The following DCUN1D5 variants were observed in gnomAD, a reference collection of about 807,000 sequenced individuals.
The protein encoded by DCUN1D5 is DCN1-like protein 5.
Under a neutral mutation model 38.3 loss-of-function variants are expected in DCUN1D5, and 10 were observed. That is an observed-to-expected ratio of 0.26 (90% CI 0.16 to 0.44). The LOEUF (loss-of-function observed/expected upper bound fraction) is 0.44. Among genes scored for constraint, DCUN1D5 ranks in the 20% least tolerant of loss-of-function variants. The pLI, the probability that DCUN1D5 is intolerant of heterozygous loss-of-function variation, is 1.00. For synonymous variants in DCUN1D5, 93 were observed against 90.9 expected, an observed-to-expected ratio of 1.02 and a Z score of -0.13; for missense variants, 148 against 275.3, an observed-to-expected ratio of 0.54 and a Z score of 3.27.
intron 4 of DCUN1D5, among the ~76,000 whole-genome samples, chr11:103,081,564 G>A (rs115622423): frequency 0.016 from 2,359 of 152,186 alleles, 57 homozygotes; most frequent in African/African-American, 0.053. Context: ...TAGAAAGTAG[G>A]AATACAGTAT....
At chr11:103,070,840 G>A (rs1309804065) in intron 4 of DCUN1D5, among the ~76,000 whole-genome samples, 1 of 151,906 alleles carries the variant, frequency 6.6e-6, no homozygotes, top group Non-Finnish European at 1.5e-5. Context: ...CCTTAACAGA[G>A]TAAAAATAAC....
In DCUN1D5 at chr11:103,066,291, G is replaced by T; in HGVS notation, c.533C>A (p.Ser178Ter). The T allele has an allele frequency of 6.2e-7, 1 of 1,604,164 alleles. No homozygotes were observed. The highest frequency in any genetic ancestry group is 8.5e-7 in the Non-Finnish European group (1 of 1,176,132). Residue 178 changes from serine (S) to a stop codon, truncating the protein, a stop_gained, in exon 6 of 8, where the codon TCA (serine) becomes TAA (stop). Coordinates refer to ENST00000260247, the MANE Select transcript of DCUN1D5 (RefSeq NM_032299.4). LOFTEE classifies it high-confidence loss of function. The surrounding 1 kb of genome is among the most constrained non-coding windows in gnomAD (Gnocchi z 4.7). ...TACCTCCAGGTACTGGTAAAATACT[G>T]AAAACAGTGGCCATGTCCTCCCAAG... ...LLLGRTWPLF[S>*]VFYQYLEQSK...
Position 103,057,145 on chromosome 11 carries a change from GTAAC to G in DCUN1D5, c.*5210_*5213del, listed in dbSNP as rs1477931602. ...AAGATTTCTACATTTGTAGATAAAA[GTAAC>G]TGTGTATGAACTTGCTCTAAGCCAT... is the stretch of plus-strand genomic sequence containing the variant. On this transcript the variant is annotated 3_prime_UTR_variant, in exon 8 of 8. Transcript: ENST00000260247. The surrounding 1 kb of genome is among the most constrained non-coding windows in gnomAD (Gnocchi z 4.8). Among the ~76,000 whole-genome samples the G allele has an allele frequency of 3.9e-5, 6 of 152,194 alleles. No individual in the cohort carries two copies. The highest frequency in any genetic ancestry group is 1.4e-4 in the African/African-American group (6 of 41,456).
chr11:103,075,619 A>T lies in DCUN1D5; in HGVS notation c.341+7129T>A, dbSNP rs893491717. ...CTAGTCTCAAACTCTTGACCTCATG[A>T]TCTGCCCGCCTCAAACCCCAAAGTG... On this transcript the variant is annotated intron_variant, in intron 4 of 7. Transcript: ENST00000260247. 1.4e-4 allele frequency among the ~76,000 whole-genome samples: 22 copies of T among 152,254 alleles called. No individual in the cohort carries two copies. In the East Asian group the frequency reaches 4.1e-3, roughly 28 times the overall value.
chr11:103,092,085 C>T lies in DCUN1D5; in HGVS notation c.-213G>A. The T allele has an allele frequency of 1.8e-6, 1 of 550,592 alleles. No homozygotes were observed. The highest frequency in any genetic ancestry group is 3.2e-6 in the Non-Finnish European group (1 of 311,634). 34.1% of individuals were successfully genotyped at this position (550,592 alleles called of 1,614,324 possible). ...GACCGGGACAGGGCTGGCTCCTCGC[C>T]GGTGGACACTGCGGTTCGTTCTCAC... On this transcript the variant is annotated 5_prime_UTR_variant, in exon 1 of 8. Coordinates refer to ENST00000260247, the MANE Select transcript of DCUN1D5 (RefSeq NM_032299.4).
chr11:103,087,786 A>T lies in DCUN1D5; in HGVS notation c.178+1441T>A, dbSNP rs1862752391. On this transcript the variant is annotated intron_variant, in intron 2 of 7. Coordinates refer to ENST00000260247, the MANE Select transcript of DCUN1D5 (RefSeq NM_032299.4). This position sits in a 1 kb window ranked among gnomAD's most constrained non-coding sequence, Gnocchi z 4.1. Reference sequence around the variant, plus strand: ...TGGCTATTAAAAATGCTAATATAGTAAACAAATGTTTAATTAGAATCTTAC... The same window carrying T: ...TGGCTATTAAAAATGCTAATATAGTTAACAAATGTTTAATTAGAATCTTAC... Among the ~76,000 whole-genome samples the T allele has an allele frequency of 6.6e-6, 1 of 152,234 alleles. No individual in the cohort carries two copies.
chr11:103,064,606 T>G lies in DCUN1D5; in HGVS notation c.556-229A>C, dbSNP rs1225831620. ...GAGGAATAATAAGAGCACTGAGTACTAACAGTAAGGATAAAACTAACTTTT... is the reference window on the plus strand; with the variant it reads ...GAGGAATAATAAGAGCACTGAGTACGAACAGTAAGGATAAAACTAACTTTT... On this transcript the variant is annotated intron_variant, in intron 6 of 7. Coordinates refer to ENST00000260247, the MANE Select transcript of DCUN1D5 (RefSeq NM_032299.4). The surrounding 1 kb of genome is among the most constrained non-coding windows in gnomAD (Gnocchi z 4.5). Among the ~76,000 whole-genome samples the G allele has an allele frequency of 6.6e-6, 1 of 152,294 alleles. No homozygotes were observed. Among genetic ancestry groups the G allele is most frequent in the East Asian group, 1.9e-4 (1 of 5,184 alleles).
At chr11:103,079,753 A>C (rs1419569601) in intron 4 of DCUN1D5, among the ~76,000 whole-genome samples, 1 of 151,456 alleles carries the variant, frequency 6.6e-6, no homozygotes, top group Non-Finnish European at 1.5e-5. Flanking sequence ...ACTGCTCTCC[A>C]GTCTGGGTAA....
At position 103,059,822 on chromosome 11, in the gene DCUN1D5, A is replaced by G. The variant is rs895401458; in HGVS notation, c.*2537T>C. ...TTTCTCCCAGTAGTATTACATTTGTATAATATTCTTATAGAAACAACTCAA... is the reference window on the plus strand; with the variant it reads ...TTTCTCCCAGTAGTATTACATTTGTGTAATATTCTTATAGAAACAACTCAA... On this transcript the variant is annotated 3_prime_UTR_variant, in exon 8 of 8. Transcript: ENST00000260247. Among the ~76,000 whole-genome samples, 1 of 152,124 alleles carries G rather than the reference A, an allele frequency of 6.6e-6. No homozygotes were observed. Among genetic ancestry groups the G allele is most frequent in the Non-Finnish European group, 1.5e-5 (1 of 68,026 alleles).
rs1160117238 is a variant in DCUN1D5, at chr11:103,061,506, C to A, written c.*853G>T. On this transcript the variant is annotated 3_prime_UTR_variant, in exon 8 of 8. Transcript: ENST00000260247. ...TTGAGTTGTGCACAATTAATTATAC[C>A]CAGAGTTCTCTCATGATTCCTTATT... is the stretch of plus-strand genomic sequence containing the variant. Among the ~76,000 whole-genome samples, 1 of 151,472 alleles carries A rather than the reference C, an allele frequency of 6.6e-6. No homozygotes were observed. Among genetic ancestry groups the A allele is most frequent in the African/African-American group, 2.4e-5 (1 of 41,212 alleles).
intron 4 of DCUN1D5, among the ~76,000 whole-genome samples, chr11:103,072,247 A>G (rs1040070803): frequency 4.6e-5 from 7 of 151,268 alleles, no homozygotes; most frequent in African/African-American, 1.7e-4. Context: ...GAGGATGTGG[A>G]GAAATAGGAA....
chr11:103,085,646 G>T (rs1862686954), intron 2 of DCUN1D5, among the ~76,000 whole-genome samples: 1 of 152,130 alleles, frequency 6.6e-6, no homozygotes, highest in Non-Finnish European at 1.5e-5. Context: ...CTAAAGCGAG[G>T]TCTGTAACTA....
At position 103,065,632 on chromosome 11, in the gene DCUN1D5, A is replaced by G. The variant is rs1184051978; in HGVS notation, c.555+637T>C. ...GGCACAAAAACAGATTTAAAAAAAA[A>G]AAACTAGACAAAGCAATGGAAAAAA... On this transcript the variant is annotated intron_variant, in intron 6 of 7. Transcript: ENST00000260247. The surrounding 1 kb of genome is among the most constrained non-coding windows in gnomAD (Gnocchi z 4.6). 1.3e-5 allele frequency among the ~76,000 whole-genome samples: 2 copies of G among 152,184 alleles called. No individual in the cohort carries two copies. Among genetic ancestry groups the G allele is most frequent in the Admixed American group, 6.5e-5 (1 of 15,280 alleles).
At position 103,060,210 on chromosome 11, in the gene DCUN1D5, C is replaced by T. The variant is rs999709516; in HGVS notation, c.*2149G>A. Among the ~76,000 whole-genome samples the T allele has an allele frequency of 6.6e-6, 1 of 151,998 alleles. No homozygotes were observed. Among genetic ancestry groups the T allele is most frequent in the African/African-American group, 2.4e-5 (1 of 41,386 alleles). On this transcript the variant is annotated 3_prime_UTR_variant, in exon 8 of 8. Transcript: ENST00000260247. ...AGATGGAGCAATAGAGTAAAGCAAG[C>T]GTGGCCTCAGTGGTACTGGACTCCA...
In DCUN1D5 at chr11:103,058,251, T is replaced by C. The variant is rs112695780; in HGVS notation, c.*4108A>G. Among the ~76,000 whole-genome samples the C allele has an allele frequency of 6.2e-3, 936 of 152,182 alleles. 6 individuals carry two copies. The highest frequency in any genetic ancestry group is 0.021 in the African/African-American group (891 of 41,516). On this transcript the variant is annotated 3_prime_UTR_variant, in exon 8 of 8. Coordinates refer to ENST00000260247, the MANE Select transcript of DCUN1D5 (RefSeq NM_032299.4). ...ACACAGCAAAATGTTTCATCGATCCTAAAAAGAAAATGGTCACACCAATAA... is the reference window on the plus strand; with the variant it reads ...ACACAGCAAAATGTTTCATCGATCCCAAAAAGAAAATGGTCACACCAATAA...
At position 103,066,740 on chromosome 11, in the gene DCUN1D5, C is replaced by T. The variant is rs1862144071; in HGVS notation, c.342-173G>A. On this transcript the variant is annotated intron_variant, in intron 4 of 7. Transcript: ENST00000260247. The surrounding 1 kb of genome is among the most constrained non-coding windows in gnomAD (Gnocchi z 4.7). ...TAATAAATTTCTTGCCCTGCATCTA[C>T]CAATGCAATAAAAAAAGAAAAAAGG... 6.6e-6 allele frequency among the ~76,000 whole-genome samples: 1 copy of T among 151,740 alleles called. No homozygotes were observed. Among genetic ancestry groups the T allele is most frequent in the South Asian group, 2.1e-4 (1 of 4,826 alleles).
At position 103,052,423 on chromosome 11, in the gene DCUN1D5, T is replaced by C. The variant is rs1230082757; in HGVS notation, c.*9936A>G. The stretch of plus-strand genomic sequence containing the variant: ...AATTTTTTCATTCATTAAATACCTA[T>C]TATGTGGTGGAAACAAGTGAGGAAC... On this transcript the variant is annotated 3_prime_UTR_variant, in exon 8 of 8. Coordinates refer to ENST00000260247, the MANE Select transcript of DCUN1D5 (RefSeq NM_032299.4). 6.6e-6 allele frequency: 1 copy of C among 152,132 alleles called. No homozygotes were observed. Among genetic ancestry groups the C allele is most frequent in the African/African-American group, 2.4e-5 (1 of 41,442 alleles). 9.4% of individuals were successfully genotyped at this position (152,132 alleles called of 1,614,324 possible). A position where few individuals can be genotyped will look rare whatever the true frequency, so the allele number is the denominator to read the frequency against.
rs569694123 is a variant in DCUN1D5 at position 103,072,950 on chromosome 11, A to G, written c.342-6383T>C. Among the ~76,000 whole-genome samples, 8 of 152,346 alleles carry G rather than the reference A, an allele frequency of 5.3e-5. No individual in the cohort carries two copies. The South Asian group carries it at 1.7e-3, about 32-fold the overall frequency. ...ATATATAGATCAGAAAAGAGAAATA[A>G]ACTGTCCCTATTTCTAGATGACATG... On this transcript the variant is annotated intron_variant, in intron 4 of 7. Coordinates refer to ENST00000260247, the MANE Select transcript of DCUN1D5 (RefSeq NM_032299.4).
chr11:103,060,049 G>A lies in DCUN1D5; in HGVS notation c.*2310C>T, dbSNP rs1214023670. The stretch of plus-strand genomic sequence containing the variant: ...AACATTTTTGATCATAAATTTCCCA[G>A]TAAATTAAATGCTATTCAAAATTAA... On this transcript the variant is annotated 3_prime_UTR_variant, in exon 8 of 8. Coordinates refer to ENST00000260247, the MANE Select transcript of DCUN1D5 (RefSeq NM_032299.4). Among the ~76,000 whole-genome samples, 10 of 152,044 alleles carry A rather than the reference G, an allele frequency of 6.6e-5. No individual in the cohort carries two copies. The highest frequency in any genetic ancestry group is 4.4e-5 in the Non-Finnish European group (3 of 68,012).
Sources: gnomAD v4.1 joint callset for allele counts (sites outside exome capture counted in the v4.1 genomes callset) on GRCh38, gnomAD v4.1.1 for gene constraint, Gnocchi (gnomAD v3.1) non-coding constraint, MANE v1.5 for transcripts, NCBI Gene and HGNC (gene_info 2026-07-23, HGNC 2026-07-21) for gene names.